GPM6A: variants seen among roughly 807,000 people sequenced by gnomAD.
GPM6A encodes glycoprotein M6A.
In GPM6A, 7 loss-of-function variants were observed where a neutral mutation model predicts 32.1. The ratio of observed to expected loss-of-function variants is 0.22; its 90% confidence interval spans 0.12 to 0.41. The LOEUF (loss-of-function observed/expected upper bound fraction) is 0.41, where lower values mean the gene tolerates loss of function less well. Ranked by LOEUF, GPM6A falls within the 10% of genes least tolerant of loss-of-function variation. GPM6A has a pLI of 1.00. For synonymous variants in GPM6A, 130 were observed against 123.4 expected, an observed-to-expected ratio of 1.05 and a Z score of -0.35; for missense variants, 235 against 347.2, an observed-to-expected ratio of 0.68 and a Z score of 2.57.
At chr4:175,796,477 G>C (rs1734233466) in intron 1 of GPM6A, among the ~76,000 whole-genome samples, 1 of 152,092 alleles carries the variant, frequency 6.6e-6, no homozygotes, top group African/African-American at 2.4e-5. Flanking sequence ...TAAGTCTCTT[G>C]ATCAGAAGTT....
At chr4:175,997,450 A>G (rs1417890720) in intron 1 of GPM6A, among the ~76,000 whole-genome samples, 1 of 149,650 alleles carries the variant, frequency 6.7e-6, no homozygotes, top group Non-Finnish European at 1.5e-5. Flanking sequence ...GCTTAATCTT[A>G]TCTTCTTTAC....
chr4:175,913,809 A>G (rs748123999), intron 1 of GPM6A, among the ~76,000 whole-genome samples: 1 of 152,164 alleles, frequency 6.6e-6, no homozygotes, highest in Non-Finnish European at 1.5e-5. Flanking sequence ...ATAGCATGGA[A>G]TTCTCCAACC....
At chr4:175,879,852 A>T (rs1288017321) in intron 1 of GPM6A, among the ~76,000 whole-genome samples, 1 of 152,236 alleles carries the variant, frequency 6.6e-6, no homozygotes, top group East Asian at 1.9e-4. Flanking sequence ...CAATAATAAT[A>T]AAATAATATT....
chr4:175,948,796 C>T (rs1417181969), intron 1 of GPM6A, among the ~76,000 whole-genome samples: 7 of 152,086 alleles, frequency 4.6e-5, no homozygotes, highest in African/African-American at 9.7e-5. Flanking sequence ...CATGCCCCTA[C>T]GCAGTAAAAT....
At chr4:175,901,984 CCA>C (rs1285202353) in intron 1 of GPM6A, among the ~76,000 whole-genome samples, 1 of 152,042 alleles carries the variant, frequency 6.6e-6, no homozygotes, top group Non-Finnish European at 1.5e-5. Flanking sequence ...CCCAATAACT[CCA>C]CTTTTAGATT....
At chr4:175,917,096 C>T (rs1358871426) in intron 1 of GPM6A, among the ~76,000 whole-genome samples, 3 of 152,074 alleles carry the variant, frequency 2.0e-5, no homozygotes, top group Admixed American at 6.6e-5. Flanking sequence ...CAAATATCAT[C>T]CGTCTATAGA....
intron 6 of GPM6A, among the ~76,000 whole-genome samples, chr4:175,639,811 G>C (rs1343064948): frequency 6.6e-6 from 1 of 151,928 alleles, no homozygotes; most frequent in East Asian, 1.9e-4. Context: ...TCAAGGAATT[G>C]ATTAGATTAC....
intron 4 of GPM6A, among the ~76,000 whole-genome samples, chr4:175,645,449 G>A (rs1353590929): frequency 4.0e-5 from 6 of 151,850 alleles, no homozygotes; most frequent in African/African-American, 7.3e-5. Flanking sequence ...GGCCGGGTGG[G>A]GTGGCTCACG....
rs148001865 is a variant in GPM6A, at chr4:175,794,637, G to A, written c.37+17554C>T. On this transcript the variant is annotated intron_variant, in intron 1 of 6. Coordinates refer to ENST00000393658, the MANE Select transcript of GPM6A (RefSeq NM_201591.3). Reference sequence around the variant, plus strand: ...TCATTATAGAAATGTACTGGAACCTGGGGAATTGCATGACTTATGATGAAT... The same window carrying A: ...TCATTATAGAAATGTACTGGAACCTAGGGAATTGCATGACTTATGATGAAT... Among the ~76,000 whole-genome samples, 498 of 152,286 alleles carry A rather than the reference G, an allele frequency of 3.3e-3. 3 individuals are homozygous for A. The highest frequency in any genetic ancestry group is 0.01 in the Middle Eastern group (3 of 294).
chr4:175,797,117 T>C (rs1446912572), intron 1 of GPM6A, among the ~76,000 whole-genome samples: 3 of 152,160 alleles, frequency 2.0e-5, no homozygotes, highest in African/African-American at 7.2e-5. Flanking sequence ...TTCTCCTAGA[T>C]AACTAACACA....
chr4:175,791,237 G>C (rs1448894196), intron 1 of GPM6A, among the ~76,000 whole-genome samples: 3 of 152,094 alleles, frequency 2.0e-5, no homozygotes, highest in Admixed American at 2.0e-4. Context: ...AAAATGTATA[G>C]ATAGAAAAGA....
intron 1 of GPM6A, among the ~76,000 whole-genome samples, chr4:175,927,215 A>T (rs1019747584): frequency 3.3e-5 from 5 of 152,266 alleles, no homozygotes; most frequent in African/African-American, 7.2e-5. Flanking sequence ...ACGGAAGGAC[A>T]CGGCTTTGAG....
At chr4:175,748,954 T>C (rs2111183659) in intron 1 of GPM6A, among the ~76,000 whole-genome samples, 1 of 152,284 alleles carries the variant, frequency 6.6e-6, no homozygotes, top group South Asian at 2.1e-4. Context: ...AATAGCTTCT[T>C]TTCTTAAACC....
At chr4:175,731,719 C>T (rs1731442459) in intron 1 of GPM6A, among the ~76,000 whole-genome samples, 1 of 152,190 alleles carries the variant, frequency 6.6e-6, no homozygotes, top group Admixed American at 6.5e-5. Flanking sequence ...TTTCTTAAAA[C>T]ACTTTGATAG....
chr4:175,636,885 C>G (rs903268970), intron 6 of GPM6A, among the ~76,000 whole-genome samples: 5 of 138,638 alleles, frequency 3.6e-5, no homozygotes, highest in African/African-American at 1.3e-4. Flanking sequence ...TGAGGAAGCA[C>G]CTGTTTCTGA....
intron 1 of GPM6A, among the ~76,000 whole-genome samples, chr4:175,709,417 T>C (rs1012724662): frequency 2.0e-5 from 3 of 151,836 alleles, no homozygotes; most frequent in Non-Finnish European, 4.4e-5. Flanking sequence ...AACCTATGTT[T>C]TACACTCTTT....
chr4:175,970,785 G>T, intron 1 of GPM6A: 1 of 432,054 alleles, frequency 2.3e-6, no homozygotes, highest in Non-Finnish European at 4.6e-6. Context: ...AGAAAAGCAA[G>T]ATTTTATTTT....
chr4:175,786,097 T>C (rs1733787774), intron 1 of GPM6A, among the ~76,000 whole-genome samples: 1 of 152,182 alleles, frequency 6.6e-6, no homozygotes, highest in African/African-American at 2.4e-5. Context: ...TATTGCTGGA[T>C]ATTTTAAACT....
At chr4:175,722,806 G>A (rs1746210444) in intron 1 of GPM6A, among the ~76,000 whole-genome samples, 3 of 152,082 alleles carry the variant, frequency 2.0e-5, no homozygotes, top group South Asian at 4.1e-4. Flanking sequence ...CCCTTTGGGA[G>A]GCTAAGGCGG....
Sources: allele counts gnomAD v4.1 joint callset (sites outside exome capture counted in the v4.1 genomes callset), GRCh38; gene constraint gnomAD v4.1.1; transcripts MANE v1.5; gene names NCBI Gene and HGNC (gene_info 2026-07-23, HGNC 2026-07-21).